The following ACTR3B variants were observed in gnomAD, a reference collection of about 807,000 sequenced individuals.
ACTR3B encodes the protein actin related protein 3B, also known as actin-related protein 3B.
ACTR3B carries 8 observed loss-of-function variants against 59.0 expected under a neutral mutation model. That is an observed-to-expected ratio of 0.14 (90% confidence interval 0.08 to 0.24). The LOEUF (loss-of-function observed/expected upper bound fraction) is 0.24, where lower values mean the gene tolerates loss of function less well. Ranked by LOEUF, ACTR3B falls within the 10% of genes least tolerant of loss-of-function variation. The pLI is 1.00. For synonymous variants in ACTR3B, 148 were observed against 197.9 expected, an observed-to-expected ratio of 0.75 and a Z score of 2.12; for missense variants, 245 against 552.3, an observed-to-expected ratio of 0.44 and a Z score of 5.58.
intron 1 of ACTR3B, among the ~76,000 whole-genome samples, chr7:152,773,548 C>T (rs931608343): frequency 1.3e-5 from 2 of 151,872 alleles, no homozygotes; most frequent in African/African-American, 4.8e-5. Flanking sequence ...GATCATGATA[C>T]TGCACTCCAG....
chr7:152,766,381 C>G (rs115903040), intron 1 of ACTR3B, among the ~76,000 whole-genome samples: 3 of 152,194 alleles, frequency 2.0e-5, no homozygotes, highest in Non-Finnish European at 4.4e-5. Flanking sequence ...GTGCATAGCA[C>G]GTGCCGGAAT....
intron 1 of ACTR3B, among the ~76,000 whole-genome samples, chr7:152,769,424 C>T (rs1006456146): frequency 2.0e-5 from 3 of 152,092 alleles, no homozygotes; most frequent in African/African-American, 7.2e-5. Context: ...GCTTGCTTCT[C>T]CTTGTGTTTG....
chr7:152,822,226 G>C (rs1301603964), intron 7 of ACTR3B, among the ~76,000 whole-genome samples: 1 of 152,220 alleles, frequency 6.6e-6, no homozygotes, highest in Non-Finnish European at 1.5e-5. Context: ...TTTCAGGGAT[G>C]CTAAGAAACT....
chr7:152,780,750 A>G (rs1424347508), intron 1 of ACTR3B, among the ~76,000 whole-genome samples: 1 of 151,992 alleles, frequency 6.6e-6, no homozygotes, highest in African/African-American at 2.4e-5. Context: ...CACTATACAA[A>G]TTAAACTGTC....
chr7:152,853,295 G>A (rs575881121), intron 10 of ACTR3B, among the ~76,000 whole-genome samples, 199 bp from the exon 11 acceptor site: 4 of 152,038 alleles, frequency 2.6e-5, no homozygotes, highest in African/African-American at 9.7e-5. Context: ...TCCTTTGAGC[G>A]CTGGGGGCTG....
chr7:152,822,753 G>A (rs1236403881), intron 7 of ACTR3B, among the ~76,000 whole-genome samples: 2 of 152,208 alleles, frequency 1.3e-5, no homozygotes, highest in East Asian at 1.9e-4. Flanking sequence ...AGTCAACAAG[G>A]TACACTGTCT....
At position 152,848,064 on chromosome 7, in the gene ACTR3B, T is replaced by C. The variant is rs554687425; in HGVS notation, c.952-4062T>C. 2.0e-5 allele frequency among the ~76,000 whole-genome samples: 3 copies of C among 152,320 alleles called. No homozygotes were observed. In the East Asian group the frequency reaches 5.8e-4, roughly 29 times the overall value. On this transcript the variant is annotated intron_variant, in intron 9 of 11. Transcript: ENST00000256001. The stretch of plus-strand genomic sequence containing the variant: ...GACTTAGAGGTGTGAATGGACTATG[T>C]ACCTCTCAGATTATCCTTCAGAATA...
At position 152,803,613 on chromosome 7, in the gene ACTR3B, A is replaced by G. The variant is rs557763483; in HGVS notation, c.336+1882A>G. Among the ~76,000 whole-genome samples the G allele has an allele frequency of 2.6e-5, 4 of 152,218 alleles. No homozygotes were observed. In the East Asian group the frequency reaches 5.8e-4, roughly 22 times the overall value. On this transcript the variant is annotated intron_variant, in intron 4 of 11. Transcript: ENST00000256001. ...CTAATCTTAGGCATGTGGAGCAAAT[A>G]TGGACCACCACACAGCTCACAGGAA...
At chr7:152,850,765 T>C (rs1798742658) in intron 9 of ACTR3B, among the ~76,000 whole-genome samples, 1 of 133,830 alleles carries the variant, frequency 7.5e-6, no homozygotes, top group African/African-American at 3.2e-5. Context: ...AAAAGTGCAT[T>C]TTTTTTTCCG....
intron 1 of ACTR3B, among the ~76,000 whole-genome samples, chr7:152,763,735 C>G (rs2098098627): frequency 6.6e-6 from 1 of 152,172 alleles, no homozygotes; most frequent in Admixed American, 6.5e-5. Context: ...ATTGGTGATT[C>G]TTGCCTGAAT....
intron 2 of ACTR3B, among the ~76,000 whole-genome samples, chr7:152,790,900 C>A (rs976082712): frequency 1.3e-5 from 2 of 152,004 alleles, no homozygotes; most frequent in Non-Finnish European, 2.9e-5. Context: ...CCTCAGATGG[C>A]TTTTTTGGCA....
chr7:152,768,513 G>A (rs972605811), intron 1 of ACTR3B, among the ~76,000 whole-genome samples: 7 of 152,158 alleles, frequency 4.6e-5, no homozygotes, highest in Admixed American at 4.6e-4. Context: ...TTTCACTCTT[G>A]TTGCCCAGGC....
At chr7:152,813,727 C>T (rs1795460567) in intron 4 of ACTR3B, 1 of 146,590 alleles carries the variant, frequency 6.8e-6, no homozygotes, top group African/African-American at 2.5e-5. Flanking sequence ...TGGGGTCTCC[C>T]AATATTGCCC....
chr7:152,770,891 G>A (rs955103386), intron 1 of ACTR3B, among the ~76,000 whole-genome samples: 5 of 144,480 alleles, frequency 3.5e-5, no homozygotes, highest in African/African-American at 1.3e-4. Flanking sequence ...AATAAGGAAG[G>A]AAACATAACA....
chr7:152,853,414 T>C (rs4726215), intron 10 of ACTR3B, 80 bp from the exon 11 acceptor site: 992,806 of 1,337,824 alleles, frequency 0.74, 370,212 homozygotes, highest in African/African-American at 0.84. Flanking sequence ...TGGGTGCAGC[T>C]GTGGTCTCGT....
Position 152,829,169 on chromosome 7 carries a change from T to C in ACTR3B, c.951+4047T>C, listed in dbSNP as rs182026708. On this transcript the variant is annotated intron_variant, in intron 9 of 11. Coordinates refer to ENST00000256001, the MANE Select transcript of ACTR3B (RefSeq NM_020445.6). The stretch of plus-strand genomic sequence containing the variant: ...GGAATGCTTACCACAATCAAGCTAA[T>C]GAAGACATCCATCACCTCACACAGC... Among the ~76,000 whole-genome samples the C allele has an allele frequency of 2.8e-4, 43 of 152,156 alleles. 2 individuals are homozygous for C. In the South Asian group the frequency reaches 3.3e-3, roughly 12 times the overall value.
At chr7:152,769,081 G>C (rs2079652954) in intron 1 of ACTR3B, among the ~76,000 whole-genome samples, 2 of 152,000 alleles carry the variant, frequency 1.3e-5, no homozygotes, top group Admixed American at 1.3e-4. Flanking sequence ...TCGAACTCCT[G>C]ACCTCAGGTG....
At position 152,759,879 on chromosome 7, in the gene ACTR3B, GA is replaced by G; in HGVS notation, c.-3del. ...GGCGGGGCCGAGCGCCGCGCGTCCC[GA>G]GCATGGCAGGCTCCCTGCCTCCCTG... On this transcript the variant is annotated 5_prime_UTR_variant, in exon 1 of 12. Coordinates refer to ENST00000256001, the MANE Select transcript of ACTR3B (RefSeq NM_020445.6). 7.4e-7 allele frequency: 1 copy of G among 1,347,656 alleles called. No homozygotes were observed. Among genetic ancestry groups the G allele is most frequent in the Non-Finnish European group, 9.6e-7 (1 of 1,040,544 alleles). The allele number at this position is 1,347,656 out of a possible 1,614,324, so 83.5% of individuals were successfully genotyped here.
At chr7:152,802,880 C>T (rs763406259) in intron 4 of ACTR3B, among the ~76,000 whole-genome samples, 1 of 152,100 alleles carries the variant, frequency 6.6e-6, no homozygotes, top group Non-Finnish European at 1.5e-5. Context: ...TATGGAATAA[C>T]TCTATAACGA....
Sources: gnomAD v4.1 joint callset for allele counts (sites outside exome capture counted in the v4.1 genomes callset) on GRCh38, gnomAD v4.1.1 for gene constraint, MANE v1.5 for transcripts, NCBI Gene and HGNC (gene_info 2026-07-23, HGNC 2026-07-21) for gene names.